The following VPS16 variants were observed in gnomAD, a reference collection of about 807,000 sequenced individuals.
VPS16 encodes the protein VPS16 core subunit of CORVET and HOPS complexes, also known as vacuolar protein sorting-associated protein 16 homolog.
A neutral mutation model predicts 116.0 loss-of-function variants in VPS16; 82 were observed. The ratio of observed to expected loss-of-function variants is 0.71; its 90% confidence interval spans 0.59 to 0.85. The LOEUF (loss-of-function observed/expected upper bound fraction) is 0.85. VPS16 is among the 40% of genes least tolerant of loss of function. The pLI is 0.00. For missense variants in VPS16, 928 were observed against 1,090.6 expected (o/e 0.85, Z 2.10); for synonymous variants, 406 against 420.7 (o/e 0.96, Z 0.43).
chr20:2,849,321 G>A (rs6138908), intron 1 of VPS16, among the ~76,000 whole-genome samples: 2,118 of 144,570 alleles, frequency 0.015, 106 homozygotes, highest in Admixed American at 0.086. Flanking sequence ...TTTTTTTGAG[G>A]CGGAGTTTTG....
intron 1 of VPS16, chr20:2,841,099 A>T (rs540514351): frequency 3.9e-6 from 2 of 514,616 alleles, no homozygotes; most frequent in African/African-American, 4.0e-5. Flanking sequence ...TCGCTGAGGG[A>T]GGCAGCTCGC....
At position 2,865,409 on chromosome 20, in the gene VPS16, C is replaced by G; in HGVS notation, c.2185C>G (p.Leu729Val). 1 of 1,614,114 alleles carries G rather than the reference C, an allele frequency of 6.2e-7. No homozygotes were observed. Among genetic ancestry groups the G allele is most frequent in the Non-Finnish European group, 8.5e-7 (1 of 1,179,950 alleles). The change falls in exon 22 of 24, where the codon CTG (leucine) becomes GTG (valine). Residue 729 changes from leucine (L) to valine (V), a missense_variant. By Grantham distance (32) the Leu-to-Val change is conservative. Coordinates refer to ENST00000380445, the MANE Select transcript of VPS16 (RefSeq NM_022575.4). This position sits in a 1 kb window ranked among gnomAD's most constrained non-coding sequence, Gnocchi z 5.2. The stretch of plus-strand genomic sequence containing the variant: ...CCAGCTTTCCTGCAGGCTCTGGTGG[C>G]TGAAGCTGACTGCCCTGGCAGATTT... ...FRIPDKRLWW[L>V]KLTALADLED... is the part of the protein sequence containing the mutation.
intron 1 of VPS16, among the ~76,000 whole-genome samples, chr20:2,842,599 T>TC (rs1350540057): frequency 6.7e-6 from 1 of 150,348 alleles, no homozygotes; most frequent in African/African-American, 2.5e-5. Flanking sequence ...AGAGTGAGAC[T>TC]CCGTCTATAT....
chr20:2,850,965 C>CA (rs57731229), intron 1 of VPS16, among the ~76,000 whole-genome samples: 25,409 of 90,938 alleles, frequency 0.28, 3,292 homozygotes, highest in East Asian at 0.45. Context: ...GTAAGACTGT[C>CA]AAAAAAAAAA....
intron 1 of VPS16, among the ~76,000 whole-genome samples, chr20:2,851,184 A>G (rs1358934211): frequency 6.6e-6 from 1 of 152,168 alleles, no homozygotes; most frequent in African/African-American, 2.4e-5. Flanking sequence ...CAGACAAGCA[A>G]GAAGCAACCC....
Position 2,860,479 on chromosome 20 carries a change from C to G in VPS16, c.400C>G (p.Arg134Gly), listed in dbSNP as rs148470010. Residue 134 changes from arginine (R) to glycine (G), a missense_variant, in exon 5 of 24, where the codon CGG becomes GGG. Physicochemically the swap from Arg to Gly is moderately radical, Grantham distance 125. Coordinates refer to ENST00000380445, the MANE Select transcript of VPS16 (RefSeq NM_022575.4). The surrounding 1 kb of genome is among the most constrained non-coding windows in gnomAD (Gnocchi z 6.1). ...EVLQNRVLDA[R>G]IFHTEFGSGV... is the part of the protein sequence containing the mutation. ...GCTCCAGAACCGGGTTCTGGATGCCCGGATCTTTCACACTGAGTTTGGTTC... is the reference window on the plus strand; with the variant it reads ...GCTCCAGAACCGGGTTCTGGATGCCGGGATCTTTCACACTGAGTTTGGTTC... 1.9e-6 allele frequency: 3 copies of G among 1,613,894 alleles called. No individual in the cohort carries two copies. The highest frequency in any genetic ancestry group is 1.1e-5 in the South Asian group (1 of 91,084).
At chr20:2,854,238 TAC>T (rs150363426) in intron 1 of VPS16, among the ~76,000 whole-genome samples, 3,344 of 139,718 alleles carry the variant, frequency 0.024, 128 homozygotes, top group Admixed American at 0.1. Context: ...ACCCCGTCTC[TAC>T]ACACACACAC....
intron 1 of VPS16, among the ~76,000 whole-genome samples, chr20:2,857,334 G>A (rs576000729): frequency 6.6e-5 from 10 of 152,244 alleles, no homozygotes; most frequent in African/African-American, 1.9e-4. Context: ...CAGATAATTG[G>A]CAGAAGGTGT....
Position 2,864,506 on chromosome 20 carries a change from T to G in VPS16, c.1819-41T>G. The G allele has an allele frequency of 6.2e-7, 1 of 1,613,954 alleles. No homozygotes were observed. Among genetic ancestry groups the G allele is most frequent in the Non-Finnish European group, 8.5e-7 (1 of 1,179,932 alleles). ...GTTGTGGTGTAGCCTTCTGAGCACT[T>G]GAGTTGGCCTTGCTGACTGATTGCC... On this transcript the variant is annotated intron_variant, in intron 18 of 23. Coordinates refer to ENST00000380445, the MANE Select transcript of VPS16 (RefSeq NM_022575.4). The surrounding 1 kb of genome is among the most constrained non-coding windows in gnomAD (Gnocchi z 5.2).
chr20:2,864,867 G>C lies in VPS16; in HGVS notation c.1927-111G>C, dbSNP rs1033538219. 1 of 1,454,162 alleles carries C rather than the reference G, an allele frequency of 6.9e-7. No homozygotes were observed. Among genetic ancestry groups the C allele is most frequent in the Non-Finnish European group, 9.6e-7 (1 of 1,046,736 alleles). 90.1% of individuals were successfully genotyped at this position (1,454,162 alleles called of 1,614,324 possible). A position where few individuals can be genotyped will look rare whatever the true frequency, so the allele number is the denominator to read the frequency against. ...CAGAGTGGTGCACCTAGCAGGCAAGGCTGACCCTGGCGACCCTGGGCACAG... is the reference window on the plus strand; with the variant it reads ...CAGAGTGGTGCACCTAGCAGGCAAGCCTGACCCTGGCGACCCTGGGCACAG... On this transcript the variant is annotated intron_variant, in intron 19 of 23. Coordinates refer to ENST00000380445, the MANE Select transcript of VPS16 (RefSeq NM_022575.4). The surrounding 1 kb of genome is among the most constrained non-coding windows in gnomAD (Gnocchi z 5.2).
chr20:2,842,746 A>C (rs201231647), intron 1 of VPS16, among the ~76,000 whole-genome samples: 1,500 of 83,000 alleles, frequency 0.018, 17 homozygotes, highest in African/African-American at 0.029. Context: ...ATAGATACAT[A>C]TAGATGTATC....
intron 1 of VPS16, among the ~76,000 whole-genome samples, chr20:2,842,719 T>TCTAGATGTATCTATATATATATAGATAC (rs1568620704): frequency 1.2e-5 from 1 of 80,406 alleles, no homozygotes. Context: ...TAGATAGACA[T>TCTAGATGTATCTATATATATATAGATAC]ATGGATGTAT....
Position 2,864,601 on chromosome 20 carries a change from A to G in VPS16, c.1873A>G (p.Asn625Asp), listed in dbSNP as rs1310940838. ...GAAGGACCTTTACAATCAGGATGAC[A>G]ATCACCAGGAATTGGGCAGCTTCCA... The part of the protein sequence containing the change: ...TLKDLYNQDD[N>D]HQELGSFHIR... Residue 625 changes from asparagine (N) to aspartate (D), a missense_variant, in exon 19 of 24, where the codon AAT becomes GAT. Transcript: ENST00000380445. The surrounding 1 kb of genome is among the most constrained non-coding windows in gnomAD (Gnocchi z 5.2). 3 of 1,614,136 alleles carry G rather than the reference A, an allele frequency of 1.9e-6. No individual in the cohort carries two copies. The highest frequency in any genetic ancestry group is 3.3e-5 in the Admixed American group (2 of 60,020).
chr20:2,855,250 G>A (rs927298563), intron 1 of VPS16, among the ~76,000 whole-genome samples: 8 of 151,350 alleles, frequency 5.3e-5, no homozygotes, highest in East Asian at 1.9e-4. Context: ...GAACCACCGC[G>A]CCTGGCCAAT....
intron 1 of VPS16, among the ~76,000 whole-genome samples, chr20:2,848,817 G>A (rs940093769): frequency 1.3e-5 from 2 of 152,174 alleles, no homozygotes; most frequent in African/African-American, 4.8e-5. Flanking sequence ...AGACAGGAAA[G>A]GCAAATCCAC....
At chr20:2,851,822 T>A (rs1371112940) in intron 1 of VPS16, among the ~76,000 whole-genome samples, 2 of 151,884 alleles carry the variant, frequency 1.3e-5, no homozygotes, top group African/African-American at 2.4e-5. Context: ...ACAAAAAAAA[T>A]TAGCTGGGCG....
chr20:2,853,193 C>T (rs2089138497), intron 1 of VPS16, among the ~76,000 whole-genome samples: 1 of 152,130 alleles, frequency 6.6e-6, no homozygotes, highest in Non-Finnish European at 1.5e-5. Flanking sequence ...GAGTTCAAAA[C>T]CAGCCTGGCC....
chr20:2,840,928 G>C, intron 1 of VPS16, 101 bp downstream of exon 1: 1 of 1,182,082 alleles, frequency 8.5e-7, no homozygotes, highest in Non-Finnish European at 1.2e-6. Context: ...TGGCGCTGGG[G>C]TCCGCCCCGC....
intron 1 of VPS16, among the ~76,000 whole-genome samples, chr20:2,849,300 CTT>C (rs11473184): frequency 1.3e-4 from 18 of 133,678 alleles, no homozygotes; most frequent in Admixed American, 1.5e-4. Context: ...GAATAAGATT[CTT>C]TTTTTTTTTT....
Sources: gnomAD v4.1 joint callset for allele counts (sites outside exome capture counted in the v4.1 genomes callset) on GRCh38, gnomAD v4.1.1 for gene constraint, Gnocchi (gnomAD v3.1) non-coding constraint, MANE v1.5 for transcripts, NCBI Gene and HGNC (gene_info 2026-07-23, HGNC 2026-07-21) for gene names.